Variants in TTBK2 observed in about 807,000 individuals in gnomAD.
TTBK2 encodes tau tubulin kinase 2.
TTBK2 carries 28 observed loss-of-function variants against 110.8 expected under a neutral mutation model. That is an observed-to-expected ratio of 0.25 (90% CI 0.19 to 0.35). The LOEUF is 0.35. TTBK2 is among the 10% of genes least tolerant of loss of function. The probability of loss-of-function intolerance (pLI) is 1.00; values close to 1 mark genes in which losing one functional copy is unlikely to be tolerated. For missense variants in TTBK2, 1,369 were observed against 1,500.3 expected, an observed-to-expected ratio of 0.91 and a Z score of 1.45; for synonymous variants, 532 against 527.3, an observed-to-expected ratio of 1.01 and a Z score of -0.12.
intron 3 of TTBK2, among the ~76,000 whole-genome samples, chr15:42,870,957 C>T (rs981253012): frequency 6.6e-6 from 1 of 151,916 alleles, no homozygotes; most frequent in Non-Finnish European, 1.5e-5. Context: ...GGTTAAATAC[C>T]TTTTCCTTAC....
At chr15:42,901,671 G>A (rs1291581798) in intron 1 of TTBK2, among the ~76,000 whole-genome samples, 1 of 147,794 alleles carries the variant, frequency 6.8e-6, no homozygotes, top group Non-Finnish European at 1.5e-5. Flanking sequence ...GTGCATCAAA[G>A]AATACTATCA....
intron 7 of TTBK2, among the ~76,000 whole-genome samples, chr15:42,815,469 T>C (rs2140938802): frequency 6.6e-6 from 1 of 152,166 alleles, no homozygotes; most frequent in South Asian, 2.1e-4. Context: ...TATCAAGGAA[T>C]CACTTGCTCA....
chr15:42,840,064 G>C (rs556812029), intron 4 of TTBK2, among the ~76,000 whole-genome samples: 21 of 152,126 alleles, frequency 1.4e-4, no homozygotes, highest in Non-Finnish European at 2.6e-4. Context: ...GAACCCCTAA[G>C]GTAATGAAGG....
intron 1 of TTBK2, among the ~76,000 whole-genome samples, chr15:42,913,526 T>C (rs2141216789): frequency 6.6e-6 from 1 of 151,836 alleles, no homozygotes; most frequent in South Asian, 2.1e-4. Flanking sequence ...TAGTCCCAGC[T>C]ACTCAGGAGG....
intron 9 of TTBK2, among the ~76,000 whole-genome samples, chr15:42,803,988 T>C (rs1042861701): frequency 8.8e-5 from 12 of 136,330 alleles, no homozygotes; most frequent in South Asian, 4.7e-4. Flanking sequence ...AATTGTACCA[T>C]TGTACTCCAG....
At chr15:42,802,460 G>C (rs1891265143) in intron 9 of TTBK2, 1 of 671,182 alleles carries the variant, frequency 1.5e-6, no homozygotes, top group Non-Finnish European at 2.7e-6. Context: ...TGGAGAAGCT[G>C]CTTCTTGGTC....
At chr15:42,895,509 GA>G (rs1258535458) in intron 1 of TTBK2, among the ~76,000 whole-genome samples, 2 of 147,780 alleles carry the variant, frequency 1.4e-5, no homozygotes, top group African/African-American at 4.9e-5. Context: ...AAGTTAGAAA[GA>G]AAAAAAATAG....
chr15:42,773,100 C>T (rs1889748234), intron 13 of TTBK2, among the ~76,000 whole-genome samples: 3 of 151,954 alleles, frequency 2.0e-5, no homozygotes, highest in African/African-American at 4.8e-5. Flanking sequence ...TGACTTGGGA[C>T]GCTGGCATGG....
intron 3 of TTBK2, among the ~76,000 whole-genome samples, chr15:42,843,744 G>C (rs747978684): frequency 1.6e-5 from 2 of 125,684 alleles, no homozygotes; most frequent in Non-Finnish European, 3.2e-5. Context: ...GGGCGACAGA[G>C]AGAGACTTGG....
intron 3 of TTBK2, among the ~76,000 whole-genome samples, chr15:42,859,837 G>C (rs574807796): frequency 6.6e-6 from 1 of 152,270 alleles, no homozygotes; most frequent in African/African-American, 2.4e-5. Flanking sequence ...GGATAAGGTA[G>C]ACAGCATGCA....
chr15:42,832,206 T>G (rs1276604445), intron 4 of TTBK2, among the ~76,000 whole-genome samples: 1 of 152,222 alleles, frequency 6.6e-6, no homozygotes, highest in Non-Finnish European at 1.5e-5. Flanking sequence ...TAACTTTTAT[T>G]AGCATTCCAA....
intron 13 of TTBK2, among the ~76,000 whole-genome samples, chr15:42,770,746 A>G (rs1889633678): frequency 1.3e-5 from 2 of 152,160 alleles, no homozygotes; most frequent in Non-Finnish European, 2.9e-5. Context: ...CTTCTGCAAA[A>G]TCCATTTTAA....
At chr15:42,798,821 A>G (rs945037071) in intron 9 of TTBK2, among the ~76,000 whole-genome samples, 1 of 152,198 alleles carries the variant, frequency 6.6e-6, no homozygotes, top group East Asian at 1.9e-4. Flanking sequence ...GGATGTAGGG[A>G]AGAGAAGCAG....
intron 10 of TTBK2, among the ~76,000 whole-genome samples, chr15:42,786,184 G>A (rs1017989214): frequency 3.9e-5 from 6 of 152,028 alleles, no homozygotes; most frequent in Admixed American, 3.3e-4. Context: ...AGTTCTGACA[G>A]TGGAAGCATA....
At chr15:42,813,831 G>A (rs1164447721) in intron 7 of TTBK2, among the ~76,000 whole-genome samples, 1 of 151,424 alleles carries the variant, frequency 6.6e-6, no homozygotes, top group Non-Finnish European at 1.5e-5. Context: ...GGGCGAAGGA[G>A]GGCGAGAGAG....
In TTBK2 at chr15:42,740,553, T is replaced by C. The variant is rs956702035; in HGVS notation, c.*5242A>G. On this transcript the variant is annotated 3_prime_UTR_variant, in exon 15 of 15. Coordinates refer to ENST00000267890, the MANE Select transcript of TTBK2 (RefSeq NM_173500.4). ...GGCATAGACTTTATTTTTGTTTTAC[T>C]TTTTTTTTTTTTTTTTTTTGAGACG... 1 of 138,240 alleles carries C rather than the reference T, an allele frequency of 7.2e-6. No individual in the cohort carries two copies. Among genetic ancestry groups the C allele is most frequent in the African/African-American group, 2.7e-5 (1 of 37,720 alleles). 8.6% of individuals were successfully genotyped at this position (138,240 alleles called of 1,614,324 possible).
At chr15:42,815,728 T>C (rs1185808133) in intron 7 of TTBK2, among the ~76,000 whole-genome samples, 2 of 150,950 alleles carry the variant, frequency 1.3e-5, no homozygotes, top group East Asian at 3.9e-4. Context: ...GGGAGAGGGA[T>C]ATCAGATTAG....
intron 3 of TTBK2, among the ~76,000 whole-genome samples, chr15:42,871,871 A>G (rs1894629178): frequency 6.6e-6 from 1 of 152,222 alleles, no homozygotes; most frequent in Non-Finnish European, 1.5e-5. Flanking sequence ...CAACTGGTAG[A>G]GAAACTTGGA....
At chr15:42,750,012 G>C (rs1342448215) in intron 14 of TTBK2, among the ~76,000 whole-genome samples, 1 of 152,152 alleles carries the variant, frequency 6.6e-6, no homozygotes, top group African/African-American at 2.4e-5. Flanking sequence ...CTTGAGCCCA[G>C]GAGTTAGAGG....
Sources: allele counts gnomAD v4.1 joint callset (sites outside exome capture counted in the v4.1 genomes callset), GRCh38; gene constraint gnomAD v4.1.1; transcripts MANE v1.5; gene names NCBI Gene and HGNC (gene_info 2026-07-23, HGNC 2026-07-21).